The following DAP3 variants were observed in gnomAD, a reference collection of about 807,000 sequenced individuals.
DAP3 encodes small ribosomal subunit protein mS29.
A neutral mutation model predicts 51.9 loss-of-function variants in DAP3; 28 were observed. That is an observed-to-expected ratio of 0.54 (90% CI 0.40 to 0.74). The LOEUF (loss-of-function observed/expected upper bound fraction) is 0.74. Ranked by LOEUF, DAP3 falls within the 30% of genes least tolerant of loss-of-function variation. The probability of loss-of-function intolerance (pLI) is 0.00; values close to 1 mark genes in which losing one functional copy is unlikely to be tolerated. For missense variants in DAP3, 458 were observed against 483.5 expected (o/e 0.95, Z 0.49); for synonymous variants, 170 against 170.3 (o/e 1.00, Z 0.01).
chr1:155,718,695 A>C (rs370653783), intron 3 of DAP3, among the ~76,000 whole-genome samples: 1 of 124,098 alleles, frequency 8.1e-6, no homozygotes, highest in Non-Finnish European at 1.8e-5. Flanking sequence ...CAAAAAAAAA[A>C]AAAGAAAGAA....
Position 155,725,390 on chromosome 1 carries a change from A to T in DAP3, c.279A>T (p.Thr93=). The change falls in exon 5 of 13, where the codon ACA becomes ACT. Residue 93 remains threonine, a synonymous_variant. Coordinates refer to ENST00000368336, the MANE Select transcript of DAP3 (RefSeq NM_004632.4). The part of the protein sequence containing the change: ...LPPRFVMQVK[T]FSEACLMVRK... ...CTTTCCTACTTTATCAGGTGAAGAC[A>T]TTCAGTGAAGCTTGCCTGATGGTAA... 6.2e-7 allele frequency: 1 copy of T among 1,613,928 alleles called. No homozygotes were observed. Among genetic ancestry groups the T allele is most frequent in the African/African-American group, 1.3e-5 (1 of 75,004 alleles).
chr1:155,738,300 A>G lies in DAP3; in HGVS notation c.*58A>G. 1 of 1,589,010 alleles carries G rather than the reference A, an allele frequency of 6.3e-7. No homozygotes were observed. The highest frequency in any genetic ancestry group is 8.6e-7 in the Non-Finnish European group (1 of 1,160,524). On this transcript the variant is annotated 3_prime_UTR_variant, in exon 13 of 13. Transcript: ENST00000368336. Reference sequence around the variant, plus strand: ...ACATCTGCTTTATGCTGGACCCAGTAAGATGAGGAAGTCGGGCAGTACACA... The same window carrying G: ...ACATCTGCTTTATGCTGGACCCAGTGAGATGAGGAAGTCGGGCAGTACACA...
chr1:155,724,838 C>T (rs1658397063), intron 4 of DAP3, among the ~76,000 whole-genome samples: 1 of 151,498 alleles, frequency 6.6e-6, no homozygotes, highest in African/African-American at 2.4e-5. Context: ...GCCTGTAATC[C>T]CAGCTACTCG....
At position 155,729,130 on chromosome 1, in the gene DAP3, A is replaced by G. The variant is rs771596425; in HGVS notation, c.684+8A>G. 9 of 1,614,184 alleles carry G rather than the reference A, an allele frequency of 5.6e-6. No homozygotes were observed. The South Asian group carries it at 9.9e-5, about 18-fold the overall frequency. ...GGAGAAGTGGTTGAACAGGTATAAG[A>G]AAAAACACTGAATGTGTAACATGCG... On this transcript the variant is annotated splice_region_variant and intron_variant, in intron 8 of 12. Coordinates refer to ENST00000368336, the MANE Select transcript of DAP3 (RefSeq NM_004632.4).
chr1:155,698,212 G>A (rs561820909), intron 1 of DAP3, among the ~76,000 whole-genome samples: 12 of 151,466 alleles, frequency 7.9e-5, no homozygotes, highest in Non-Finnish European at 1.8e-4. Context: ...CGAAGATGAC[G>A]GGATTAAGAG....
intron 5 of DAP3, 88 bp from the exon 6 acceptor site, chr1:155,725,839 C>A: frequency 7.9e-7 from 1 of 1,267,138 alleles, no homozygotes; most frequent in South Asian, 1.3e-5. Flanking sequence ...ACTCCAACCC[C>A]ATCTCAAAAA....
At chr1:155,688,662 C>G, upstream of DAP3, 1 of 1,533,482 alleles carries the variant, frequency 6.5e-7, no homozygotes, top group Non-Finnish European at 8.7e-7. Flanking sequence ...CGCGTACCTT[C>G]AGCGGCGCGA....
rs1571587051 is a variant in DAP3, at chr1:155,738,307, G to A, written c.*65G>A. The stretch of plus-strand genomic sequence containing the variant: ...CTTTATGCTGGACCCAGTAAGATGA[G>A]GAAGTCGGGCAGTACACAGGAAGAG... On this transcript the variant is annotated 3_prime_UTR_variant, in exon 13 of 13. Transcript: ENST00000368336. 6.3e-7 allele frequency: 1 copy of A among 1,577,052 alleles called. No individual in the cohort carries two copies. Among genetic ancestry groups the A allele is most frequent in the East Asian group, 2.3e-5 (1 of 44,108 alleles).
chr1:155,726,393 A>G (rs1658602588), intron 6 of DAP3: 1 of 150,490 alleles, frequency 6.6e-6, no homozygotes, highest in Admixed American at 6.9e-5. Flanking sequence ...GGTTCACACC[A>G]TTCTTCTGCC....
Position 155,689,115 on chromosome 1 carries a change from A to G in DAP3, c.-67A>G. The stretch of plus-strand genomic sequence containing the variant: ...TGCAGTCTCAGGACGGGCGCTTTGG[A>G]GCCGGCCCCAGGCAGCGTGTGTCGG... On this transcript the variant is annotated 5_prime_UTR_variant, in exon 1 of 13. Transcript: ENST00000368336. 2 of 1,140,900 alleles carry G rather than the reference A, an allele frequency of 1.8e-6. No homozygotes were observed. The highest frequency in any genetic ancestry group is 1.3e-6 in the Non-Finnish European group (1 of 793,034). The allele number at this position is 1,140,900 out of a possible 1,614,324, so 70.7% of individuals were successfully genotyped here.
intron 2 of DAP3, among the ~76,000 whole-genome samples, chr1:155,716,717 G>A (rs1419451138): frequency 8.6e-5 from 13 of 151,924 alleles, no homozygotes; most frequent in African/African-American, 2.9e-4. Context: ...AGGCAGAGGC[G>A]GGCAGATCAC....
At chr1:155,694,583 G>A (rs897718103) in intron 1 of DAP3, among the ~76,000 whole-genome samples, 2 of 125,646 alleles carry the variant, frequency 1.6e-5, no homozygotes, top group Non-Finnish European at 2.9e-5. Flanking sequence ...GGTTTTGTTG[G>A]TCTTCATCTG....
At chr1:155,707,241 G>A (rs150036217) in intron 1 of DAP3, among the ~76,000 whole-genome samples, 76 of 151,930 alleles carry the variant, frequency 5.0e-4, no homozygotes, top group African/African-American at 1.4e-3. Context: ...GTGAAACCCC[G>A]TCATTACTAA....
chr1:155,715,920 C>T (rs1657275693), intron 2 of DAP3, among the ~76,000 whole-genome samples: 1 of 152,044 alleles, frequency 6.6e-6, no homozygotes, highest in African/African-American at 2.4e-5. Flanking sequence ...TCCTTTATTC[C>T]AGGGCACAAT....
At chr1:155,704,622 T>C (rs1457493540) in intron 1 of DAP3, among the ~76,000 whole-genome samples, 2 of 152,140 alleles carry the variant, frequency 1.3e-5, no homozygotes, top group Non-Finnish European at 2.9e-5. Context: ...CTGTGTAGTG[T>C]GGGCGTGTGG....
chr1:155,712,011 A>G (rs1159943061), intron 2 of DAP3, among the ~76,000 whole-genome samples: 11 of 151,276 alleles, frequency 7.3e-5, no homozygotes, highest in Admixed American at 6.6e-4. Flanking sequence ...AGGTGATTAG[A>G]TGGTGTCCAC....
intron 2 of DAP3, among the ~76,000 whole-genome samples, chr1:155,711,408 G>A (rs1374925461): frequency 3.3e-5 from 5 of 151,978 alleles, no homozygotes; most frequent in Non-Finnish European, 4.4e-5. Flanking sequence ...TAAGAGAATC[G>A]CTTGAACCCA....
chr1:155,731,963 C>T lies in DAP3; in HGVS notation c.923C>T (p.Ser308Leu), dbSNP rs371707774. Residue 308 changes from serine to leucine, a missense_variant, in exon 11 of 13, where the codon TCG becomes TTG. Physicochemically the swap from Ser to Leu is moderately radical, Grantham distance 145. Coordinates refer to ENST00000368336, the MANE Select transcript of DAP3 (RefSeq NM_004632.4). ...KNDWHGGAIV[S>L]ALSQTGSLFK... ...TTTCAGCATGGAGGCGCCATTGTGT[C>T]GGCTTTGAGCCAGACTGGGTCTCTC... The T allele has an allele frequency of 1.3e-5, 21 of 1,610,814 alleles. No homozygotes were observed. The African/African-American group carries it at 1.6e-4, about 12-fold the overall frequency.
In DAP3 at chr1:155,699,028, C is replaced by T. The variant is rs151066073; in HGVS notation, c.-8+9854C>T. Among the ~76,000 whole-genome samples, 64 of 152,062 alleles carry T rather than the reference C, an allele frequency of 4.2e-4. No individual in the cohort carries two copies. In the East Asian group the frequency reaches 9.8e-3, roughly 23 times the overall value. On this transcript the variant is annotated intron_variant, in intron 1 of 12. Coordinates refer to ENST00000368336, the MANE Select transcript of DAP3 (RefSeq NM_004632.4). ...CCGTAGGGTACCTGAAGTCCGGTGGCGACAAAGGAATGAGAAGAGACAGGT... is the reference window on the plus strand; with the variant it reads ...CCGTAGGGTACCTGAAGTCCGGTGGTGACAAAGGAATGAGAAGAGACAGGT...
Sources: allele counts gnomAD v4.1 joint callset (sites outside exome capture counted in the v4.1 genomes callset), GRCh38; gene constraint gnomAD v4.1.1; transcripts MANE v1.5; gene names NCBI Gene and HGNC (gene_info 2026-07-23, HGNC 2026-07-21).